RIMS4: variants seen among roughly 807,000 people sequenced by gnomAD.
RIMS4 encodes regulating synaptic membrane exocytosis 4, also known as regulating synaptic membrane exocytosis protein 4.
In RIMS4, 9 loss-of-function variants were observed where a neutral mutation model predicts 29.0. The observed-to-expected ratio is 0.31, with a 90% CI of 0.19 to 0.54. The LOEUF (loss-of-function observed/expected upper bound fraction) is 0.54, where lower values mean the gene tolerates loss of function less well. RIMS4 is among the 20% of genes least tolerant of loss of function. RIMS4 has a pLI of 0.94. For missense variants in RIMS4, 193 were observed against 365.7 expected, an observed-to-expected ratio of 0.53 and a Z score of 3.85; for synonymous variants, 130 against 152.9, an observed-to-expected ratio of 0.85 and a Z score of 1.10.
chr20:44,792,576 G>A (rs1373037129), intron 1 of RIMS4, among the ~76,000 whole-genome samples: 1 of 152,154 alleles, frequency 6.6e-6, no homozygotes, highest in Non-Finnish European at 1.5e-5. Context: ...GCAGGCATGA[G>A]CCACCGTGCC....
chr20:44,808,482 C>A (rs1302617555), intron 1 of RIMS4, among the ~76,000 whole-genome samples: 1 of 152,200 alleles, frequency 6.6e-6, no homozygotes, highest in Non-Finnish European at 1.5e-5. Flanking sequence ...AAGTGGACTG[C>A]TGACCACTCT....
chr20:44,772,051 G>A (rs2066139801), intron 1 of RIMS4, among the ~76,000 whole-genome samples: 1 of 152,174 alleles, frequency 6.6e-6, no homozygotes, highest in Non-Finnish European at 1.5e-5. Context: ...ATCTATCTCA[G>A]TGGCTGGGAG....
intron 1 of RIMS4, among the ~76,000 whole-genome samples, chr20:44,793,384 C>T (rs974018490): frequency 6.6e-6 from 1 of 152,214 alleles, no homozygotes; most frequent in Non-Finnish European, 1.5e-5. Context: ...CCTCCAAGTG[C>T]CACAGATGAA....
At chr20:44,792,141 C>A (rs1434020359) in intron 1 of RIMS4, among the ~76,000 whole-genome samples, 1 of 152,094 alleles carries the variant, frequency 6.6e-6, no homozygotes, top group Non-Finnish European at 1.5e-5. Context: ...CTATTTAGCA[C>A]CATAACTTCA....
intron 1 of RIMS4, among the ~76,000 whole-genome samples, chr20:44,796,927 C>T (rs2066257645): frequency 6.6e-6 from 1 of 152,228 alleles, no homozygotes. Context: ...AGCCATTCCT[C>T]TGAGCTGGAG....
intron 2 of RIMS4, 81 bp downstream of exon 2, chr20:44,771,194 C>T: frequency 6.6e-7 from 1 of 1,510,636 alleles, no homozygotes; most frequent in Non-Finnish European, 9.0e-7. Flanking sequence ...CCCTAGGGCT[C>T]CCAGAGGGGT....
intron 2 of RIMS4, among the ~76,000 whole-genome samples, chr20:44,769,434 G>A (rs1397718271): frequency 6.6e-6 from 1 of 152,154 alleles, no homozygotes; most frequent in African/African-American, 2.4e-5. Context: ...ACATGAGAGA[G>A]GTCCACTGAT....
intron 2 of RIMS4, among the ~76,000 whole-genome samples, chr20:44,763,503 C>T (rs905034074): frequency 2.0e-5 from 3 of 152,202 alleles, no homozygotes; most frequent in African/African-American, 7.2e-5. Context: ...CATCTGGATG[C>T]CTGAGAATAA....
intron 1 of RIMS4, among the ~76,000 whole-genome samples, chr20:44,776,662 G>A (rs1214156129): frequency 3.9e-5 from 6 of 152,170 alleles, no homozygotes; most frequent in African/African-American, 9.7e-5. Context: ...AGCAAGCAAC[G>A]TAAAAATGTA....
intron 1 of RIMS4, among the ~76,000 whole-genome samples, chr20:44,804,581 TCAGA>T (rs1279502987): frequency 6.6e-6 from 1 of 152,182 alleles, no homozygotes; most frequent in East Asian, 1.9e-4. Context: ...AAAAAGTCCC[TCAGA>T]CAGACAAGAG....
At chr20:44,793,739 C>T (rs1218769868) in intron 1 of RIMS4, among the ~76,000 whole-genome samples, 2 of 151,928 alleles carry the variant, frequency 1.3e-5, no homozygotes. Context: ...GTAATGCTGG[C>T]GACCTGAGAT....
At chr20:44,791,844 A>C (rs552430699) in intron 1 of RIMS4, among the ~76,000 whole-genome samples, 1 of 152,302 alleles carries the variant, frequency 6.6e-6, no homozygotes, top group African/African-American at 2.4e-5. Flanking sequence ...TATAACTCAG[A>C]TCTCCAAGAA....
chr20:44,786,354 G>GA (rs2066208569), intron 1 of RIMS4, among the ~76,000 whole-genome samples: 1 of 152,120 alleles, frequency 6.6e-6, no homozygotes, highest in African/African-American at 2.4e-5. Flanking sequence ...CCTCCCGTGT[G>GA]AATCTCTCAC....
chr20:44,764,255 C>CATCCATCCATCCATCCATCCA (rs1325046131), intron 2 of RIMS4, among the ~76,000 whole-genome samples: 28 of 144,380 alleles, frequency 1.9e-4, no homozygotes, highest in African/African-American at 5.2e-4. Context: ...TCCATCCATC[C>CATCCATCCATCCATCCATCCA]TCCCACAAAC....
intron 1 of RIMS4, among the ~76,000 whole-genome samples, chr20:44,781,286 G>C (rs2066183449): frequency 6.6e-6 from 1 of 152,158 alleles, no homozygotes; most frequent in Non-Finnish European, 1.5e-5. Context: ...GCAAGTAAAG[G>C]GGCAATTGTG....
intron 1 of RIMS4, 96 bp downstream of exon 1, chr20:44,810,079 T>TG (rs1311538868): frequency 3.0e-6 from 1 of 336,218 alleles, no homozygotes; most frequent in East Asian, 1.3e-4. Context: ...CCCAGGGGAT[T>TG]GGGGGTGGGG....
At chr20:44,779,881 T>C (rs1601031443) in intron 1 of RIMS4, among the ~76,000 whole-genome samples, 1 of 152,280 alleles carries the variant, frequency 6.6e-6, no homozygotes, top group Non-Finnish European at 1.5e-5. Flanking sequence ...GGAAGCAATG[T>C]TCTGAAGAAG....
intron 1 of RIMS4, among the ~76,000 whole-genome samples, chr20:44,801,721 G>A (rs2066278095): frequency 6.6e-6 from 1 of 152,066 alleles, no homozygotes; most frequent in South Asian, 2.1e-4. Flanking sequence ...CTTCCTAGAG[G>A]CTTTATGAGG....
chr20:44,771,676 C>A (rs1048097079), intron 1 of RIMS4, among the ~76,000 whole-genome samples: 2 of 152,234 alleles, frequency 1.3e-5, no homozygotes, highest in African/African-American at 2.4e-5. Context: ...CCCCTGAAAT[C>A]TTCTCCAAAT....
Sources: gnomAD v4.1 joint callset for allele counts (sites outside exome capture counted in the v4.1 genomes callset) on GRCh38, gnomAD v4.1.1 for gene constraint, MANE v1.5 for transcripts, NCBI Gene and HGNC (gene_info 2026-07-23, HGNC 2026-07-21) for gene names.